The following PTPRD variants were observed in gnomAD, a reference collection of about 807,000 sequenced individuals.
PTPRD encodes the protein protein tyrosine phosphatase receptor type D, also known as receptor-type tyrosine-protein phosphatase delta.
PTPRD carries 34 observed loss-of-function variants against 214.5 expected under a neutral mutation model. That is an observed-to-expected ratio of 0.16 (90% CI 0.12 to 0.21). The LOEUF (loss-of-function observed/expected upper bound fraction) is 0.21, where lower values mean the gene tolerates loss of function less well. Among genes scored for constraint, PTPRD ranks in the 10% least tolerant of loss-of-function variants. The pLI is 1.00. For synonymous variants in PTPRD, 1,128 were observed against 845.7 expected, an observed-to-expected ratio of 1.33 and a Z score of -5.79; for missense variants, 2,545 against 2,398.7, an observed-to-expected ratio of 1.06 and a Z score of -1.27.
chr9:10,486,779 A>G (rs2099135654), intron 2 of PTPRD, among the ~76,000 whole-genome samples: 1 of 152,188 alleles, frequency 6.6e-6, no homozygotes, highest in Admixed American at 6.5e-5. Context: ...TGTATTCTGA[A>G]GCCATTGGTT....
At chr9:8,777,875 A>G (rs1370864550) in intron 11 of PTPRD, among the ~76,000 whole-genome samples, 5 of 152,198 alleles carry the variant, frequency 3.3e-5, no homozygotes, top group Non-Finnish European at 7.3e-5. Context: ...TTTCACATGA[A>G]ATCCTTCCTA....
intron 4 of PTPRD, among the ~76,000 whole-genome samples, chr9:9,974,297 A>C (rs1020500342): frequency 6.6e-6 from 1 of 152,198 alleles, no homozygotes; most frequent in Non-Finnish European, 1.5e-5. Flanking sequence ...TTATTTTTCT[A>C]TACAAGTATG....
chr9:10,596,074 C>A (rs569481364), intron 2 of PTPRD, among the ~76,000 whole-genome samples: 1 of 151,850 alleles, frequency 6.6e-6, no homozygotes, highest in East Asian at 1.9e-4. Context: ...TTTATACCTA[C>A]ATTTGCTGTC....
intron 8 of PTPRD, among the ~76,000 whole-genome samples, chr9:9,432,545 T>A (rs904790939): frequency 6.6e-5 from 10 of 152,218 alleles, no homozygotes; most frequent in Non-Finnish European, 1.2e-4. Flanking sequence ...AAGAGTTTTT[T>A]AATTTACTTT....
chr9:9,648,315 A>T (rs1449779598), intron 7 of PTPRD, among the ~76,000 whole-genome samples: 1 of 152,160 alleles, frequency 6.6e-6, no homozygotes, highest in Non-Finnish European at 1.5e-5. Flanking sequence ...CTTTCCTAAT[A>T]TTACAAGGTG....
rs1282124741 is a variant in PTPRD at position 9,134,290 on chromosome 9, G to T, written c.-143+49014C>A. On this transcript the variant is annotated intron_variant, in intron 10 of 45. Coordinates refer to ENST00000381196, the MANE Select transcript of PTPRD (RefSeq NM_002839.4). Reference sequence around the variant, plus strand: ...AGGTTTCACCTTGTTAGCCAGGATGGTCTCGATCTCCTGACCTCATGATCC... The same window carrying T: ...AGGTTTCACCTTGTTAGCCAGGATGTTCTCGATCTCCTGACCTCATGATCC... 1.3e-5 allele frequency among the ~76,000 whole-genome samples: 2 copies of T among 149,866 alleles called. 1 individual carries two copies. The highest frequency in any genetic ancestry group is 5.0e-5 in the African/African-American group (2 of 39,854).
chr9:8,368,827 T>G (rs1206998685), intron 39 of PTPRD, among the ~76,000 whole-genome samples: 1 of 152,108 alleles, frequency 6.6e-6, no homozygotes, highest in Non-Finnish European at 1.5e-5. Context: ...CATTTGCTTC[T>G]TATACAGAAT....
chr9:10,248,765 GT>G (rs2092478472), intron 3 of PTPRD, among the ~76,000 whole-genome samples: 1 of 152,038 alleles, frequency 6.6e-6, no homozygotes. Flanking sequence ...GTGAGAAATT[GT>G]TTGGAAGAGT....
At chr9:9,937,634 A>T (rs980928122) in intron 5 of PTPRD, among the ~76,000 whole-genome samples, 11 of 152,162 alleles carry the variant, frequency 7.2e-5, no homozygotes, top group African/African-American at 2.7e-4. Context: ...TAAATAGACC[A>T]AATACTTATT....
chr9:10,119,762 C>T (rs930732498), intron 3 of PTPRD, among the ~76,000 whole-genome samples: 8 of 151,886 alleles, frequency 5.3e-5, no homozygotes, highest in African/African-American at 1.9e-4. Context: ...AATTTATTTT[C>T]CTGTCTATAA....
chr9:8,820,975 G>T (rs1348081395), intron 11 of PTPRD, among the ~76,000 whole-genome samples: 1 of 152,128 alleles, frequency 6.6e-6, no homozygotes, highest in Non-Finnish European at 1.5e-5. Flanking sequence ...AGAAATTAGA[G>T]TGCCCAGTTC....
intron 2 of PTPRD, among the ~76,000 whole-genome samples, chr9:10,532,794 T>C (rs2056753089): frequency 6.6e-6 from 1 of 151,976 alleles, no homozygotes; most frequent in Admixed American, 6.6e-5. Flanking sequence ...TAAAATTCAA[T>C]GCTTCCAGAC....
At chr9:8,578,421 T>C (rs2092701464) in intron 14 of PTPRD, among the ~76,000 whole-genome samples, 2 of 152,116 alleles carry the variant, frequency 1.3e-5, no homozygotes, top group Admixed American at 6.5e-5. Flanking sequence ...ATAAAACATT[T>C]CGTATATAAC....
At chr9:9,303,047 C>T (rs1191506292) in intron 9 of PTPRD, among the ~76,000 whole-genome samples, 2 of 151,816 alleles carry the variant, frequency 1.3e-5, no homozygotes, top group Non-Finnish European at 2.9e-5. Context: ...TAAGAGAAGA[C>T]CTTTTCTTTT....
At position 9,966,608 on chromosome 9, in the gene PTPRD, G is replaced by A. The variant is rs542745524; in HGVS notation, c.-471-27998C>T. ...TTATTATCTGAATTCACTTAAATATGTTGTAGTCACATTGAGCTGTGCAAA... is the reference window on the plus strand; with the variant it reads ...TTATTATCTGAATTCACTTAAATATATTGTAGTCACATTGAGCTGTGCAAA... On this transcript the variant is annotated intron_variant, in intron 4 of 45. Coordinates refer to ENST00000381196, the MANE Select transcript of PTPRD (RefSeq NM_002839.4). Among the ~76,000 whole-genome samples the A allele has an allele frequency of 1.9e-3, 287 of 152,212 alleles. 2 individuals carry two copies. The highest frequency in any genetic ancestry group is 0.013 in the South Asian group (62 of 4,828).
intron 23 of PTPRD, among the ~76,000 whole-genome samples, chr9:8,502,148 AG>A (rs1232864746): frequency 6.6e-6 from 1 of 152,128 alleles, no homozygotes; most frequent in Non-Finnish European, 1.5e-5. Flanking sequence ...AAATTAACCA[AG>A]CATTATGATT....
At chr9:10,065,141 T>TAGAAAGAAAGAAAGAAAGAAAGAAAGAA (rs554379074) in intron 3 of PTPRD, among the ~76,000 whole-genome samples, 6,004 of 106,664 alleles carry the variant, frequency 0.056, 356 homozygotes, top group East Asian at 0.073. Flanking sequence ...TGACTTGGAT[T>TAGAAAGAAAGAAAGAAAGAAAGAAAGAA]AGAAAGAAAG....
At chr9:9,161,616 T>C (rs2099889077) in intron 10 of PTPRD, among the ~76,000 whole-genome samples, 1 of 152,118 alleles carries the variant, frequency 6.6e-6, no homozygotes, top group South Asian at 2.1e-4. Context: ...GGAGCAAATA[T>C]TTAAAGATTC....
chr9:9,685,477 T>C (rs1001504202), intron 7 of PTPRD, among the ~76,000 whole-genome samples: 67 of 151,520 alleles, frequency 4.4e-4, no homozygotes, highest in African/African-American at 1.6e-3. Flanking sequence ...ATGATTTAAA[T>C]GCTTTCAAGT....
Sources: gnomAD v4.1 joint callset for allele counts (sites outside exome capture counted in the v4.1 genomes callset) on GRCh38, gnomAD v4.1.1 for gene constraint, MANE v1.5 for transcripts, NCBI Gene and HGNC (gene_info 2026-07-23, HGNC 2026-07-21) for gene names.